Variants in STX7 observed in about 807,000 individuals in gnomAD.
STX7 encodes the protein syntaxin-7.
A neutral mutation model predicts 39.6 loss-of-function variants in STX7; 34 were observed. That is an observed-to-expected ratio of 0.86 (90% CI 0.65 to 1.14). The LOEUF (loss-of-function observed/expected upper bound fraction) is 1.14. Ranked by LOEUF, STX7 falls within the 50% of genes most tolerant of loss-of-function variation. STX7 has a pLI of 0.00. For synonymous variants in STX7, 119 were observed against 99.1 expected (o/e 1.20, Z -1.19); for missense variants, 284 against 310.4 (o/e 0.92, Z 0.64).
intron 3 of STX7, among the ~76,000 whole-genome samples, chr6:132,472,863 G>A (rs546054977): frequency 7.1e-6 from 1 of 141,636 alleles, no homozygotes; most frequent in African/African-American, 2.6e-5. Context: ...TTAAAAAAAA[G>A]GCGGGGGGGA....
At chr6:132,468,280 G>A (rs555524178) in intron 8 of STX7, 123 bp downstream of exon 8, 3 of 724,234 alleles carry the variant, frequency 4.1e-6, no homozygotes, top group East Asian at 5.3e-5. Context: ...TATAGACCAT[G>A]CTTTTGGTTC....
chr6:132,513,033 C>T lies in STX7; in HGVS notation c.-85G>A, dbSNP rs1489782677. ...TGGACCTCCACGGCTCCCTCCTACA[C>T]CTCCGACCGCCGTCACCCACCTACC... On this transcript the variant is annotated 5_prime_UTR_variant, in exon 1 of 10. In the 5' UTR this introduces an upstream ATG that the reference lacks. Transcript: ENST00000367941. 1 of 152,324 alleles carries T rather than the reference C, an allele frequency of 6.6e-6. No homozygotes were observed. Among genetic ancestry groups the T allele is most frequent in the African/African-American group, 2.4e-5 (1 of 41,478 alleles). The allele number at this position is 152,324 out of a possible 1,614,324, so 9.4% of individuals were successfully genotyped here. A position where few individuals can be genotyped will look rare whatever the true frequency, so the allele number is the denominator to read the frequency against.
intron 2 of STX7, among the ~76,000 whole-genome samples, chr6:132,489,450 A>G (rs1775224020): frequency 1.3e-5 from 2 of 152,248 alleles, no homozygotes; most frequent in African/African-American, 4.8e-5. Flanking sequence ...TATCACAAGT[A>G]GAAAAACTTC....
At position 132,467,417 on chromosome 6, in the gene STX7, T is replaced by A. The variant is rs534945287; in HGVS notation, c.610+986A>T. On this transcript the variant is annotated intron_variant, in intron 8 of 9. Transcript: ENST00000367941. ...CAGCAACAATTTCCACCCCTAGCAGTCCCATCCCTCTACCCTGGCCTTATT... is the reference window on the plus strand; with the variant it reads ...CAGCAACAATTTCCACCCCTAGCAGACCCATCCCTCTACCCTGGCCTTATT... 6.6e-5 allele frequency among the ~76,000 whole-genome samples: 10 copies of A among 152,248 alleles called. No individual in the cohort carries two copies. In the South Asian group the frequency reaches 1.9e-3, roughly 28 times the overall value.
intron 2 of STX7, among the ~76,000 whole-genome samples, chr6:132,485,097 ACCAT>A (rs1331754907): frequency 6.6e-6 from 1 of 152,142 alleles, no homozygotes; most frequent in African/African-American, 2.4e-5. Context: ...CATCTGTAAA[ACCAT>A]CATCACACTT....
chr6:132,469,409 T>A (rs762594236), intron 7 of STX7, among the ~76,000 whole-genome samples: 2 of 151,806 alleles, frequency 1.3e-5, no homozygotes, highest in Non-Finnish European at 2.9e-5. Flanking sequence ...ATAACAATAA[T>A]AATTTTTAAA....
At chr6:132,462,582 G>GGGGT (rs1211715935) in intron 9 of STX7, among the ~76,000 whole-genome samples, 2 of 144,896 alleles carry the variant, frequency 1.4e-5, no homozygotes, top group African/African-American at 2.6e-5. Flanking sequence ...CATTTGCAGG[G>GGGGT]GTGTGTGTGT....
At chr6:132,481,759 C>T (rs746081301) in intron 2 of STX7, among the ~76,000 whole-genome samples, 5 of 152,086 alleles carry the variant, frequency 3.3e-5, no homozygotes, top group African/African-American at 4.8e-5. Context: ...AGTACAAACA[C>T]CATATAAACT....
In STX7 at chr6:132,456,289, G is replaced by A. The variant is rs544266653; in HGVS notation, c.*4469C>T. On this transcript the variant is annotated 3_prime_UTR_variant, in exon 10 of 10. Coordinates refer to ENST00000367941, the MANE Select transcript of STX7 (RefSeq NM_003569.3). The stretch of plus-strand genomic sequence containing the variant: ...GGAAAACTGGATAAACAGGAGGCTG[G>A]TCCAAACGGAGATTTATATTTAGAC... 2 of 152,308 alleles carry A rather than the reference G, an allele frequency of 1.3e-5. No homozygotes were observed. The highest frequency in any genetic ancestry group is 4.8e-5 in the African/African-American group (2 of 41,560). The allele number at this position is 152,308 out of a possible 1,614,324, so 9.4% of individuals were successfully genotyped here. A position where few individuals can be genotyped will look rare whatever the true frequency, so the allele number is the denominator to read the frequency against.
intron 7 of STX7, among the ~76,000 whole-genome samples, chr6:132,468,780 T>C (rs1488905966): frequency 6.6e-6 from 1 of 152,198 alleles, no homozygotes; most frequent in Non-Finnish European, 1.5e-5. Context: ...GATTGCTGAG[T>C]TCATTTTATA....
rs779598894 is a variant in STX7 at position 132,460,784 on chromosome 6, G to A, written c.760C>T (p.Leu254Phe). The change falls in exon 10 of 10, where the codon CTC becomes TTC. Residue 254 changes from leucine to phenylalanine, a missense_variant. By Grantham distance (22) the Leu-to-Phe change is conservative. Coordinates refer to ENST00000367941, the MANE Select transcript of STX7 (RefSeq NM_003569.3). ...ILVIGVAIIS[L>F]IIWGLNH ...CAGTGGTTCAATCCCCATATGATGA[G>A]ACTGATAATCGCAACTCCAATGACA... 1 of 1,613,564 alleles carries A rather than the reference G, an allele frequency of 6.2e-7. No individual in the cohort carries two copies. The highest frequency in any genetic ancestry group is 1.7e-5 in the Admixed American group (1 of 59,988).
intron 2 of STX7, among the ~76,000 whole-genome samples, chr6:132,484,786 A>G (rs1052039617): frequency 2.0e-5 from 3 of 152,158 alleles, no homozygotes; most frequent in Non-Finnish European, 4.4e-5. Context: ...AGACAGCCTG[A>G]TATCTCACTT....
chr6:132,489,911 G>A (rs1006401764), intron 2 of STX7, among the ~76,000 whole-genome samples: 8 of 152,164 alleles, frequency 5.3e-5, no homozygotes, highest in African/African-American at 1.9e-4. Flanking sequence ...TTAAATCTGA[G>A]GGCACAGTTC....
At chr6:132,476,849 C>G (rs1415745674) in intron 2 of STX7, among the ~76,000 whole-genome samples, 3 of 151,948 alleles carry the variant, frequency 2.0e-5, no homozygotes, top group African/African-American at 7.2e-5. Context: ...TATGTGGGGA[C>G]ATAAATAAAA....
chr6:132,484,787 T>C (rs903660079), intron 2 of STX7, among the ~76,000 whole-genome samples: 1 of 152,182 alleles, frequency 6.6e-6, no homozygotes, highest in African/African-American at 2.4e-5. Context: ...GACAGCCTGA[T>C]ATCTCACTTC....
At chr6:132,471,427 C>G in intron 5 of STX7, 36 bp downstream of exon 5, 3 of 1,593,182 alleles carry the variant, frequency 1.9e-6, no homozygotes, top group Non-Finnish European at 2.6e-6. Flanking sequence ...AGCAAGTAAC[C>G]ATGTTCATTT....
rs1394193914 is a variant in STX7, at chr6:132,459,501, G to C, written c.*1257C>G. On this transcript the variant is annotated 3_prime_UTR_variant, in exon 10 of 10. Coordinates refer to ENST00000367941, the MANE Select transcript of STX7 (RefSeq NM_003569.3). ...ACCAGAGCATAGTCCTCATGAAATA[G>C]GCCTAACCAGATACCTTTTAACTCA... 1.3e-5 allele frequency: 2 copies of C among 152,150 alleles called. No individual in the cohort carries two copies. Among genetic ancestry groups the C allele is most frequent in the African/African-American group, 2.4e-5 (1 of 41,422 alleles). 9.4% of individuals were successfully genotyped at this position (152,150 alleles called of 1,614,324 possible).
At position 132,457,468 on chromosome 6, in the gene STX7, T is replaced by A. The variant is rs770259529; in HGVS notation, c.*3290A>T. ...AAAAAAATGGTTTTATCTTAATTGA[T>A]TTATAAATTATGTTAGGGTAGTTGT... is the stretch of plus-strand genomic sequence containing the variant. On this transcript the variant is annotated 3_prime_UTR_variant, in exon 10 of 10. Coordinates refer to ENST00000367941, the MANE Select transcript of STX7 (RefSeq NM_003569.3). 3 of 152,210 alleles carry A rather than the reference T, an allele frequency of 2.0e-5. No homozygotes were observed. The highest frequency in any genetic ancestry group is 4.4e-5 in the Non-Finnish European group (3 of 68,026). 9.4% of individuals were successfully genotyped at this position (152,210 alleles called of 1,614,324 possible).
At chr6:132,475,715 A>C in intron 2 of STX7, 53 bp from the exon 3 acceptor site, 1 of 1,305,744 alleles carries the variant, frequency 7.7e-7, no homozygotes, top group South Asian at 1.4e-5. Context: ...AAGGTAACAG[A>C]AAGAGTTAAA....
Sources: allele counts gnomAD v4.1 joint callset (sites outside exome capture counted in the v4.1 genomes callset), GRCh38; gene constraint gnomAD v4.1.1; transcripts MANE v1.5; gene names NCBI Gene and HGNC (gene_info 2026-07-23, HGNC 2026-07-21).